Variants in LRIF1 observed in about 807,000 individuals in gnomAD.
The protein encoded by LRIF1 is ligand-dependent nuclear receptor-interacting factor 1.
A neutral mutation model predicts 52.7 loss-of-function variants in LRIF1; 32 were observed. The observed-to-expected ratio is 0.61, with a 90% confidence interval of 0.46 to 0.82. The LOEUF is 0.82. Ranked by LOEUF, LRIF1 falls within the 40% of genes least tolerant of loss-of-function variation. The pLI is 0.00. For missense variants in LRIF1, 887 were observed against 892.0 expected, an observed-to-expected ratio of 0.99 and a Z score of 0.07; for synonymous variants, 323 against 317.4, an observed-to-expected ratio of 1.02 and a Z score of -0.19.
the LRIF1 span, among the ~76,000 whole-genome samples, chr1:110,930,168 A>G: frequency 2.6e-5 from 4 of 151,838 alleles, no homozygotes; most frequent in African/African-American, 7.3e-5. Context: ...TTTCTTAGTC[A>G]TTTCCAGTCG....
chr1:110,921,684 T>C, the LRIF1 span, among the ~76,000 whole-genome samples: 1 of 152,112 alleles, frequency 6.6e-6, no homozygotes, highest in Non-Finnish European at 1.5e-5. Flanking sequence ...TAGAGAGAAA[T>C]AGACAAGTAG....
chr1:110,949,273 C>T (rs1052598789), intron 3 of LRIF1, among the ~76,000 whole-genome samples: 15 of 151,832 alleles, frequency 9.9e-5, no homozygotes, highest in African/African-American at 3.6e-4. Context: ...TGCGTGCTAC[C>T]TCACCCAGCT....
intron 3 of LRIF1, 28 bp downstream of exon 3, chr1:110,949,823 G>A: frequency 6.2e-7 from 1 of 1,600,336 alleles, no homozygotes; most frequent in Non-Finnish European, 8.5e-7. Flanking sequence ...TAGTACCTAT[G>A]AAGAGCACAT....
At chr1:110,923,640 A>G in the LRIF1 span, among the ~76,000 whole-genome samples, 1 of 152,216 alleles carries the variant, frequency 6.6e-6, no homozygotes. Flanking sequence ...AAACAATGGC[A>G]ATTAGAAAAT....
the LRIF1 span, among the ~76,000 whole-genome samples, chr1:110,894,624 G>T: frequency 6.6e-6 from 1 of 152,160 alleles, no homozygotes; most frequent in Non-Finnish European, 1.5e-5. Flanking sequence ...AGTAAAACAA[G>T]TGTCTCTTCC....
At chr1:110,889,425 G>A in the LRIF1 span, among the ~76,000 whole-genome samples, 5 of 152,124 alleles carry the variant, frequency 3.3e-5, no homozygotes, top group African/African-American at 9.7e-5. Context: ...CGGGCGTGGT[G>A]ACGGGCGCCT....
chr1:110,948,708 T>A (rs944117773), intron 3 of LRIF1, among the ~76,000 whole-genome samples: 1 of 152,188 alleles, frequency 6.6e-6, no homozygotes, highest in Non-Finnish European at 1.5e-5. Flanking sequence ...AAATTGATTG[T>A]TTTTTTCTTT....
At chr1:110,896,534 C>A in the LRIF1 span, 1 of 877,438 alleles carries the variant, frequency 1.1e-6, no homozygotes, top group Non-Finnish European at 1.8e-6. Context: ...GCAATCAGAC[C>A]AATTCTGGAC....
At chr1:110,956,026 A>C (rs1469440766) in intron 1 of LRIF1, among the ~76,000 whole-genome samples, 1 of 152,196 alleles carries the variant, frequency 6.6e-6, no homozygotes, top group Non-Finnish European at 1.5e-5. Context: ...GTAAGCATAC[A>C]ACTTTGGGGT....
chr1:110,927,859 CTG>C, the LRIF1 span, among the ~76,000 whole-genome samples: 1 of 152,084 alleles, frequency 6.6e-6, no homozygotes, highest in Admixed American at 6.6e-5. Context: ...TAATAAGCAG[CTG>C]TTATAGTACA....
chr1:110,893,893 T>C, the LRIF1 span, among the ~76,000 whole-genome samples: 1 of 152,222 alleles, frequency 6.6e-6, no homozygotes. Context: ...AGGACCCTTC[T>C]TTCTACCATT....
At chr1:110,884,684 T>TTTAGAA in the LRIF1 span, among the ~76,000 whole-genome samples, 2 of 151,128 alleles carry the variant, frequency 1.3e-5, no homozygotes, top group Non-Finnish European at 3.0e-5. Flanking sequence ...AATCAGTCCC[T>TTTAGAA]TTATAAAGTA....
chr1:110,890,883 T>G, the LRIF1 span, among the ~76,000 whole-genome samples: 1 of 152,240 alleles, frequency 6.6e-6, no homozygotes, highest in Non-Finnish European at 1.5e-5. Context: ...AATAAAAGAA[T>G]AAATGAGGCG....
rs1233006529 is a variant in LRIF1, at chr1:110,951,747, A to C, written c.1137T>G (p.Ile379Met). ...KKGTDVLPSQIDQQNSVSPDT... is the reference protein window; with the variant it reads ...KKGTDVLPSQMDQQNSVSPDT... ...CAGGAGAAACAGAATTCTGTTGGTCAATTTGTGATGGCAGAACATCTGTCC... is the reference window on the plus strand; with the variant it reads ...CAGGAGAAACAGAATTCTGTTGGTCCATTTGTGATGGCAGAACATCTGTCC... Residue 379 changes from isoleucine (I) to methionine (M), a missense_variant, in exon 2 of 4, where the codon ATT (isoleucine) becomes ATG (methionine). Physicochemically the swap from Ile to Met is conservative, Grantham distance 10. Transcript: ENST00000369763. 7 of 1,613,422 alleles carry C rather than the reference A, an allele frequency of 4.3e-6. No homozygotes were observed. The highest frequency in any genetic ancestry group is 5.9e-6 in the Non-Finnish European group (7 of 1,180,008).
At chr1:110,917,074 C>G in the LRIF1 span, among the ~76,000 whole-genome samples, 2 of 152,198 alleles carry the variant, frequency 1.3e-5, no homozygotes. Flanking sequence ...GTGTGGGCAG[C>G]AGCCAGTCTA....
At chr1:110,930,688 T>C in the LRIF1 span, among the ~76,000 whole-genome samples, 2 of 152,178 alleles carry the variant, frequency 1.3e-5, no homozygotes, top group South Asian at 2.1e-4. Flanking sequence ...CTATGAATTT[T>C]AGGGGGGACA....
At chr1:110,949,322 G>A (rs1404149035) in intron 3 of LRIF1, among the ~76,000 whole-genome samples, 3 of 151,848 alleles carry the variant, frequency 2.0e-5, no homozygotes, top group Admixed American at 1.3e-4. Context: ...GTTTCACCAT[G>A]TTGGCCAAGA....
chr1:110,876,683 G>A, the LRIF1 span, among the ~76,000 whole-genome samples: 1 of 152,046 alleles, frequency 6.6e-6, no homozygotes, highest in Middle Eastern at 3.8e-3. Flanking sequence ...AATAACTATT[G>A]TAGAATCTCA....
chr1:110,936,400 T>C, the LRIF1 span: 2 of 152,090 alleles, frequency 1.3e-5, no homozygotes, highest in African/African-American at 4.8e-5. Flanking sequence ...AATGACATAG[T>C]ACAATAAGAT....
Sources: allele counts gnomAD v4.1 joint callset (sites outside exome capture counted in the v4.1 genomes callset), GRCh38; gene constraint gnomAD v4.1.1; transcripts MANE v1.5; gene names NCBI Gene and HGNC (gene_info 2026-07-23, HGNC 2026-07-21).